Variants in NAV2 observed in about 807,000 individuals in gnomAD.
NAV2 encodes neuron navigator 2.
A neutral mutation model predicts 223.2 loss-of-function variants in NAV2; 54 were observed. The ratio of observed to expected loss-of-function variants is 0.24; its 90% CI spans 0.19 to 0.30. NAV2 has a LOEUF of 0.30. NAV2 is among the 10% of genes least tolerant of loss of function. The pLI is 1.00. For synonymous variants in NAV2, 1,279 were observed against 1,239.3 expected (o/e 1.03, Z -0.67); for missense variants, 2,806 against 3,147.5 (o/e 0.89, Z 2.60).
rs143710017 is a variant in NAV2, at chr11:20,049,079, C to T, written c.4254C>T (p.Leu1418=). 2.5e-6 allele frequency: 4 copies of T among 1,614,086 alleles called. No homozygotes were observed. Among genetic ancestry groups the T allele is most frequent in the African/African-American group, 1.3e-5 (1 of 75,002 alleles). The change falls in exon 15 of 38, where the codon CTC becomes CTT. Residue 1418 remains leucine, a synonymous_variant. Transcript: ENST00000349880. ...GCTGTGAGTCCATCGACATCTCCCT[C>T]AGCAGTGGAGGGGTCCCCAGCCACA... The part of the protein sequence containing the change: ...HTSCESIDIS[L]SSGGVPSHNS...
At chr11:19,397,418 T>TGTGTGTGTGTGTGTGTGTGTGCGC (rs57566081) in intron 1 of NAV2, among the ~76,000 whole-genome samples, 49 of 145,354 alleles carry the variant, frequency 3.4e-4, no homozygotes, top group Non-Finnish European at 5.5e-4. Context: ...TGTGTGTGTG[T>TGTGTGTGTGTGTGTGTGTGTGCGC]GCGCGCATGT....
chr11:19,815,975 T>C (rs947140850), intron 1 of NAV2, among the ~76,000 whole-genome samples: 3 of 152,308 alleles, frequency 2.0e-5, no homozygotes, highest in Admixed American at 6.5e-5. Context: ...TTTGTGCAAA[T>C]TGTTCTTTTG....
At chr11:20,039,269 TCCATAA>T (rs2056688933) in intron 12 of NAV2, among the ~76,000 whole-genome samples, 1 of 152,142 alleles carries the variant, frequency 6.6e-6, no homozygotes, top group Non-Finnish European at 1.5e-5. Flanking sequence ...TGCCTCCTCA[TCCATAA>T]CATGGCACTA....
intron 1 of NAV2, among the ~76,000 whole-genome samples, chr11:19,472,883 G>A (rs1165255346): frequency 6.6e-6 from 1 of 152,194 alleles, no homozygotes; most frequent in African/African-American, 2.4e-5. Flanking sequence ...CAGCAGCTTG[G>A]CTGTGCAGTG....
intron 1 of NAV2, among the ~76,000 whole-genome samples, chr11:19,818,062 C>G (rs2059189397): frequency 6.6e-6 from 1 of 151,892 alleles, no homozygotes; most frequent in Non-Finnish European, 1.5e-5. Flanking sequence ...CCTGAATTCC[C>G]TTTTTTTCAT....
intron 11 of NAV2, among the ~76,000 whole-genome samples, chr11:20,013,474 CTTT>C (rs11357743): frequency 2.0e-5 from 3 of 148,826 alleles, no homozygotes; most frequent in Non-Finnish European, 3.0e-5. Flanking sequence ...CTTTGCCAAA[CTTT>C]TTTTTTTTTT....
chr11:19,883,536 A>G (rs977702306), intron 5 of NAV2, among the ~76,000 whole-genome samples: 6 of 152,186 alleles, frequency 3.9e-5, no homozygotes, highest in Non-Finnish European at 8.8e-5. Flanking sequence ...CCAGAAAATG[A>G]CTTTATATTT....
At chr11:19,527,833 C>A (rs1276171318) in intron 1 of NAV2, among the ~76,000 whole-genome samples, 3 of 152,078 alleles carry the variant, frequency 2.0e-5, no homozygotes, top group Non-Finnish European at 4.4e-5. Flanking sequence ...GTCAAGCCCA[C>A]CTCCCACCAG....
chr11:19,469,947 A>G (rs1032489226), intron 1 of NAV2, among the ~76,000 whole-genome samples: 1 of 152,234 alleles, frequency 6.6e-6, no homozygotes, highest in Admixed American at 6.5e-5. Context: ...ATTAACACTA[A>G]GAGAGGAAGG....
intron 1 of NAV2, among the ~76,000 whole-genome samples, chr11:19,351,288 G>A (rs921828599): frequency 2.0e-5 from 3 of 152,180 alleles, no homozygotes; most frequent in Non-Finnish European, 2.9e-5. Flanking sequence ...AACTGAGGGA[G>A]TTAACAAAAA....
At chr11:19,595,594 G>T (rs2046184174) in intron 1 of NAV2, among the ~76,000 whole-genome samples, 1 of 150,730 alleles carries the variant, frequency 6.6e-6, no homozygotes, top group Non-Finnish European at 1.5e-5. Flanking sequence ...TCACTCTGTT[G>T]CCCAGGCTGG....
intron 11 of NAV2, among the ~76,000 whole-genome samples, chr11:20,005,253 A>ATATATATTTTT (rs1277010848): frequency 8.8e-4 from 119 of 134,530 alleles, no homozygotes; most frequent in Admixed American, 1.7e-3. Flanking sequence ...ATATATATAT[A>ATATATATTTTT]TTTTTTTTTT....
chr11:19,884,193 A>T, intron 5 of NAV2: 1 of 819,672 alleles, frequency 1.2e-6, no homozygotes, highest in Non-Finnish European at 2.0e-6. Flanking sequence ...GGAAAGAAAC[A>T]GCAACATCCC....
At chr11:19,468,188 T>C (rs1852437378) in intron 1 of NAV2, among the ~76,000 whole-genome samples, 1 of 152,224 alleles carries the variant, frequency 6.6e-6, no homozygotes, top group Admixed American at 6.5e-5. Context: ...TTGGGCAAGT[T>C]AGTCAATGCA....
At position 20,114,671 on chromosome 11, in the gene NAV2, A is replaced by T; in HGVS notation, c.7040A>T (p.Gln2347Leu). ...DTYPWAASPQQHEWPPLLQLR... is the reference protein window; with the variant it reads ...DTYPWAASPQLHEWPPLLQLR... ...TATCCATGGGCAGCCAGCCCACAAC[A>T]GCACGAGTGGCCTCCCCTGCTGCAG... The change falls in exon 37 of 38, where the codon CAG becomes CTG. Residue 2347 changes from glutamine (Q) to leucine (L), a missense_variant. Physicochemically the swap from Gln to Leu is moderately radical, Grantham distance 113. This residue lies in a region of NAV2 where 824 missense variants were observed against 1,069.4 expected (regional missense o/e 0.77). Coordinates refer to ENST00000349880, the MANE Select transcript of NAV2 (RefSeq NM_145117.5). 6.2e-7 allele frequency: 1 copy of T among 1,614,206 alleles called. No homozygotes were observed. The highest frequency in any genetic ancestry group is 8.5e-7 in the Non-Finnish European group (1 of 1,180,032).
At chr11:19,478,712 T>C (rs2133982626) in intron 1 of NAV2, among the ~76,000 whole-genome samples, 1 of 152,360 alleles carries the variant, frequency 6.6e-6, no homozygotes, top group African/African-American at 2.4e-5. Flanking sequence ...CCCTATGCTG[T>C]GCATGTGTGC....
At chr11:19,514,431 A>G (rs2134259086) in intron 1 of NAV2, among the ~76,000 whole-genome samples, 1 of 152,232 alleles carries the variant, frequency 6.6e-6, no homozygotes, top group East Asian at 1.9e-4. Flanking sequence ...TTAGGTGAAA[A>G]TATTTATCAA....
chr11:19,376,951 G>A (rs1377950077), intron 1 of NAV2, among the ~76,000 whole-genome samples: 2 of 152,198 alleles, frequency 1.3e-5, no homozygotes, highest in Non-Finnish European at 2.9e-5. Context: ...GTTGAGCTCA[G>A]TTGTCAAGAA....
intron 1 of NAV2, among the ~76,000 whole-genome samples, chr11:19,403,935 C>T (rs1396047396): frequency 6.6e-6 from 1 of 151,564 alleles, no homozygotes; most frequent in Non-Finnish European, 1.5e-5. Context: ...GTACGTGGCT[C>T]TTACGGGGAC....
Sources: allele counts gnomAD v4.1 joint callset (sites outside exome capture counted in the v4.1 genomes callset), GRCh38; gene constraint gnomAD v4.1.1; regional missense constraint gnomAD v4.1.1; transcripts MANE v1.5; gene names NCBI Gene and HGNC (gene_info 2026-07-23, HGNC 2026-07-21).